Variants in ST7 observed in about 807,000 individuals in gnomAD.
ST7 encodes the protein suppression of tumorigenicity 7.
ST7 carries 28 observed loss-of-function variants against 78.7 expected under a neutral mutation model. The ratio of observed to expected loss-of-function variants is 0.36; its 90% CI spans 0.26 to 0.49. The LOEUF is 0.49. Ranked by LOEUF, ST7 falls within the 20% of genes least tolerant of loss-of-function variation. ST7 has a pLI of 0.99. For missense variants in ST7, 418 were observed against 696.0 expected (o/e 0.60, Z 4.49); for synonymous variants, 247 against 249.6 (o/e 0.99, Z 0.10).
chr7:117,105,177 A>G (rs1342116286), intron 2 of ST7, among the ~76,000 whole-genome samples: 1 of 152,238 alleles, frequency 6.6e-6, no homozygotes, highest in Non-Finnish European at 1.5e-5. Context: ...AGCAACATGG[A>G]TGGAACTGGA....
chr7:116,959,430 T>C, intron 1 of ST7: 1 of 331,668 alleles, frequency 3.0e-6, no homozygotes, highest in South Asian at 2.5e-5. Flanking sequence ...TTATTACTTC[T>C]TCTAGATTCT....
intron 1 of ST7, among the ~76,000 whole-genome samples, chr7:116,988,540 G>C (rs941303868): frequency 1.3e-5 from 2 of 152,032 alleles, no homozygotes; most frequent in South Asian, 4.1e-4. Context: ...CATCTTTGCA[G>C]ACCAGTGTAT....
intron 1 of ST7, among the ~76,000 whole-genome samples, chr7:117,069,730 G>T (rs944975387): frequency 5.3e-5 from 8 of 152,188 alleles, no homozygotes; most frequent in Non-Finnish European, 7.3e-5. Flanking sequence ...GCACAGTTTG[G>T]TTTATGGGTT....
At chr7:116,971,622 C>A (rs568744897) in intron 1 of ST7, among the ~76,000 whole-genome samples, 36 of 152,324 alleles carry the variant, frequency 2.4e-4, no homozygotes, top group African/African-American at 8.2e-4. Context: ...GCTAACTCCT[C>A]CTGGAATCAC....
At chr7:116,976,294 C>A (rs547907268) in intron 1 of ST7, among the ~76,000 whole-genome samples, 4 of 152,016 alleles carry the variant, frequency 2.6e-5, no homozygotes, top group Non-Finnish European at 5.9e-5. Flanking sequence ...AACAACAAAC[C>A]CCAAAAGACC....
At chr7:116,974,116 T>C (rs1332663558) in intron 1 of ST7, among the ~76,000 whole-genome samples, 2 of 152,184 alleles carry the variant, frequency 1.3e-5, no homozygotes, top group East Asian at 3.8e-4. Context: ...AAAGGATGTA[T>C]GATGACCTGT....
intron 1 of ST7, among the ~76,000 whole-genome samples, chr7:117,055,656 G>A (rs1277093003): frequency 6.6e-6 from 1 of 152,080 alleles, no homozygotes; most frequent in African/African-American, 2.4e-5. Flanking sequence ...TGGGAAGTGG[G>A]AATTTATTTA....
intron 2 of ST7, among the ~76,000 whole-genome samples, chr7:117,101,594 T>C (rs1801572152): frequency 6.6e-6 from 1 of 152,318 alleles, no homozygotes; most frequent in Non-Finnish European, 1.5e-5. Context: ...GTAGAGTTGC[T>C]AAACTCTTTG....
rs1043898128 is a variant in ST7, at chr7:117,107,109, A to ATG, written c.234+7269_234+7270dup. Among the ~76,000 whole-genome samples, 5 of 151,922 alleles carry ATG rather than the reference A, an allele frequency of 3.3e-5. No homozygotes were observed. The East Asian group carries it at 9.7e-4, about 29-fold the overall frequency. Reference sequence around the variant, plus strand: ...GAGTAGTATTCCATGGTGTGTGTGTATGTGTATATATATATATATGTATAC... The same window carrying ATG: ...GAGTAGTATTCCATGGTGTGTGTGTATGTGTGTATATATATATATATGTATAC... On this transcript the variant is annotated intron_variant, in intron 2 of 15. Coordinates refer to ENST00000323984, the MANE Select transcript of ST7 (RefSeq NM_001369598.1).
At chr7:117,041,104 G>A (rs1248705390) in intron 1 of ST7, among the ~76,000 whole-genome samples, 1 of 152,152 alleles carries the variant, frequency 6.6e-6, no homozygotes, top group African/African-American at 2.4e-5. Flanking sequence ...TGTGGTGTGA[G>A]GGCCCTCAAC....
At chr7:117,168,804 A>G (rs905033746) in intron 9 of ST7, among the ~76,000 whole-genome samples, 1 of 152,230 alleles carries the variant, frequency 6.6e-6, no homozygotes, top group Non-Finnish European at 1.5e-5. Context: ...AATATGGTAA[A>G]TGTTCCTAAT....
intron 1 of ST7, among the ~76,000 whole-genome samples, chr7:117,004,474 A>G (rs1340741845): frequency 3.9e-5 from 6 of 152,200 alleles, no homozygotes; most frequent in African/African-American, 1.4e-4. Flanking sequence ...CAGCCTGGCT[A>G]ACATGGCGAA....
chr7:117,001,971 A>G (rs1477001011), intron 1 of ST7, among the ~76,000 whole-genome samples: 1 of 152,172 alleles, frequency 6.6e-6, no homozygotes, highest in Non-Finnish European at 1.5e-5. Flanking sequence ...CACGCCTGTA[A>G]TCCCAACACT....
chr7:117,103,465 A>G (rs1801717202), intron 2 of ST7, among the ~76,000 whole-genome samples: 1 of 152,230 alleles, frequency 6.6e-6, no homozygotes, highest in African/African-American at 2.4e-5. Flanking sequence ...CAGTCAACTC[A>G]TTTTCGACAA....
At chr7:116,995,481 G>T (rs1181095690) in intron 1 of ST7, among the ~76,000 whole-genome samples, 1 of 152,202 alleles carries the variant, frequency 6.6e-6, no homozygotes, top group Non-Finnish European at 1.5e-5. Flanking sequence ...TGATGGGCTA[G>T]AGGTGACATA....
At position 117,171,586 on chromosome 7, in the gene ST7, C is replaced by G. The variant is rs180946075; in HGVS notation, c.1078+610C>G. ...ATGAACTTATTCCATTTTGCCTGTT[C>G]CTAAGAAACCAGAAAAATAAGCCGG... is the stretch of plus-strand genomic sequence containing the variant. On this transcript the variant is annotated intron_variant, in intron 10 of 15. Transcript: ENST00000323984. Among the ~76,000 whole-genome samples, 8 of 151,372 alleles carry G rather than the reference C, an allele frequency of 5.3e-5. No individual in the cohort carries two copies. The East Asian group carries it at 1.5e-3, about 29-fold the overall frequency.
intron 2 of ST7, among the ~76,000 whole-genome samples, chr7:117,106,342 T>G (rs1218128229): frequency 6.6e-6 from 1 of 152,212 alleles, no homozygotes; most frequent in Non-Finnish European, 1.5e-5. Flanking sequence ...TGCAGCAAAG[T>G]CAGGCCTAGA....
intron 2 of ST7, among the ~76,000 whole-genome samples, chr7:117,115,960 A>C (rs2116917216): frequency 6.6e-6 from 1 of 152,232 alleles, no homozygotes; most frequent in East Asian, 1.9e-4. Flanking sequence ...TCTTCATCCA[A>C]CATCAACTGA....
chr7:117,200,839 A>AG (rs1810775420), intron 12 of ST7, among the ~76,000 whole-genome samples: 1 of 151,314 alleles, frequency 6.6e-6, no homozygotes, highest in Non-Finnish European at 1.5e-5. Context: ...TTTTTTAAAA[A>AG]AAAAAGAAAG....
Sources: gnomAD v4.1 joint callset for allele counts (sites outside exome capture counted in the v4.1 genomes callset) on GRCh38, gnomAD v4.1.1 for gene constraint, MANE v1.5 for transcripts, NCBI Gene and HGNC (gene_info 2026-07-23, HGNC 2026-07-21) for gene names.